Variants in WWOX observed in about 807,000 individuals in gnomAD.
The protein encoded by WWOX is WW domain-containing oxidoreductase.
Under a neutral mutation model 46.2 loss-of-function variants are expected in WWOX, and 69 were observed. The observed-to-expected ratio is 1.49, with a 90% CI of 1.23 to 1.82. WWOX has a LOEUF of 1.82. Among genes scored for constraint, WWOX ranks in the 40% most tolerant of loss-of-function variants. The pLI, the probability that WWOX is intolerant of heterozygous loss-of-function variation, is 0.00. For synonymous variants in WWOX, 359 were observed against 202.6 expected (o/e 1.77, Z -6.56); for missense variants, 919 against 542.6 (o/e 1.69, Z -6.89).
rs116113820 is a variant in WWOX at position 78,608,587 on chromosome 16, A to C, written c.1056+175835A>C. On this transcript the variant is annotated intron_variant, in intron 8 of 8. Transcript: ENST00000566780. ...AAGAGTTAAGTGAGGTAAGTTCGTC[A>C]GACTTCTGCAGACCCATACTGTGGA... is the stretch of plus-strand genomic sequence containing the variant. Among the ~76,000 whole-genome samples, 1,486 of 152,294 alleles carry C rather than the reference A, an allele frequency of 9.8e-3. 27 individuals are homozygous for C. Among genetic ancestry groups the C allele is most frequent in the African/African-American group, 0.034 (1,431 of 41,560 alleles).
chr16:78,915,417 C>G (rs1408914816), intron 8 of WWOX, among the ~76,000 whole-genome samples: 1 of 152,142 alleles, frequency 6.6e-6, no homozygotes, highest in Non-Finnish European at 1.5e-5. Flanking sequence ...CTCTACAGGG[C>G]AATCATAAAT....
At chr16:78,290,278 G>C (rs1156653228) in intron 5 of WWOX, among the ~76,000 whole-genome samples, 1 of 147,974 alleles carries the variant, frequency 6.8e-6, no homozygotes, top group Non-Finnish European at 1.5e-5. Flanking sequence ...CTCCCTCCTC[G>C]TTCCCCCCCC....
At chr16:78,170,729 C>T (rs2035129634) in intron 5 of WWOX, among the ~76,000 whole-genome samples, 1 of 152,066 alleles carries the variant, frequency 6.6e-6, no homozygotes, top group African/African-American at 2.4e-5. Context: ...TTTGTATTTA[C>T]AAAGAAATAC....
intron 7 of WWOX, among the ~76,000 whole-genome samples, chr16:78,427,228 A>G (rs1597068467): frequency 6.6e-6 from 1 of 152,224 alleles, no homozygotes; most frequent in Non-Finnish European, 1.5e-5. Context: ...GGGAAAAAAG[A>G]AAGTCCTATG....
At chr16:78,998,571 G>A (rs536212342) in intron 8 of WWOX, among the ~76,000 whole-genome samples, 2 of 152,276 alleles carry the variant, frequency 1.3e-5, no homozygotes, top group South Asian at 2.1e-4. Context: ...GCTGTTAGAG[G>A]AGTTAATCGA....
intron 8 of WWOX, among the ~76,000 whole-genome samples, chr16:79,157,714 C>G (rs1279229522): frequency 2.0e-5 from 3 of 152,090 alleles, no homozygotes; most frequent in Non-Finnish European, 4.4e-5. Context: ...TGATCTGTGT[C>G]CTTTACAGTT....
At chr16:78,237,251 T>G (rs1377257834) in intron 5 of WWOX, 1 of 152,232 alleles carries the variant, frequency 6.6e-6, no homozygotes, top group African/African-American at 2.4e-5. Flanking sequence ...ATGAGAAGTT[T>G]GTATCCTGCC....
At chr16:79,116,773 G>A (rs777949413) in intron 8 of WWOX, among the ~76,000 whole-genome samples, 3 of 151,708 alleles carry the variant, frequency 2.0e-5, no homozygotes, top group Non-Finnish European at 2.9e-5. Context: ...CATGAATCAC[G>A]AATGTTCTTA....
rs562391490 is a variant in WWOX, at chr16:78,945,547, C to G, written c.1057-266061C>G. On this transcript the variant is annotated intron_variant, in intron 8 of 8. Coordinates refer to ENST00000566780, the MANE Select transcript of WWOX (RefSeq NM_016373.4). Reference sequence around the variant, plus strand: ...TGTTTATATACCCGGCCACTTCTGCCAAAATATGCTGGCCTTTTAGTCTTT... The same window carrying G: ...TGTTTATATACCCGGCCACTTCTGCGAAAATATGCTGGCCTTTTAGTCTTT... 2.6e-5 allele frequency among the ~76,000 whole-genome samples: 4 copies of G among 152,296 alleles called. No individual in the cohort carries two copies. In the East Asian group the frequency reaches 7.7e-4, roughly 29 times the overall value.
chr16:78,772,829 G>A (rs2050096979), intron 8 of WWOX, among the ~76,000 whole-genome samples: 1 of 152,052 alleles, frequency 6.6e-6, no homozygotes, highest in African/African-American at 2.4e-5. Flanking sequence ...GACCAGCCTG[G>A]ACAACATAGC....
At chr16:79,198,663 C>A (rs1403225879) in intron 8 of WWOX, among the ~76,000 whole-genome samples, 1 of 152,300 alleles carries the variant, frequency 6.6e-6, no homozygotes, top group East Asian at 1.9e-4. Context: ...TGACACAGGT[C>A]CAAATTTCCC....
chr16:79,058,696 C>G (rs2048308915), intron 8 of WWOX, among the ~76,000 whole-genome samples: 1 of 152,172 alleles, frequency 6.6e-6, no homozygotes, highest in African/African-American at 2.4e-5. Context: ...TAGAGCTAAA[C>G]TTCTGTCTTT....
intron 8 of WWOX, chr16:78,996,465 C>A: frequency 8.1e-6 from 3 of 370,688 alleles, no homozygotes; most frequent in Non-Finnish European, 1.1e-5. Context: ...AGCACTGGGC[C>A]GGACCCATGG....
At chr16:78,333,101 A>T (rs2080802356) in intron 5 of WWOX, among the ~76,000 whole-genome samples, 1 of 119,444 alleles carries the variant, frequency 8.4e-6, no homozygotes, top group African/African-American at 3.2e-5. Flanking sequence ...CCAGGCCTGG[A>T]GTGCAGTGGT....
At chr16:78,962,117 G>T (rs538769232) in intron 8 of WWOX, among the ~76,000 whole-genome samples, 52 of 152,082 alleles carry the variant, frequency 3.4e-4, no homozygotes, top group Non-Finnish European at 6.6e-4. Context: ...TGAAAAAGAG[G>T]GAGAGGCTTG....
At chr16:78,905,856 C>T (rs1425368208) in intron 8 of WWOX, among the ~76,000 whole-genome samples, 1 of 152,186 alleles carries the variant, frequency 6.6e-6, no homozygotes, top group Non-Finnish European at 1.5e-5. Context: ...AAACACGTTT[C>T]CACCCCCTCA....
chr16:78,895,121 A>G (rs1392307514), intron 8 of WWOX, among the ~76,000 whole-genome samples: 13 of 152,156 alleles, frequency 8.5e-5, no homozygotes, highest in Non-Finnish European at 1.5e-4. Flanking sequence ...GTTATTAGGC[A>G]TATGCTAAAG....
chr16:78,679,142 A>C (rs2047670876), intron 8 of WWOX, among the ~76,000 whole-genome samples: 1 of 152,188 alleles, frequency 6.6e-6, no homozygotes, highest in South Asian at 2.1e-4. Context: ...GGATGGATTC[A>C]GGGAGGATTG....
chr16:78,904,090 A>C (rs1475615447), intron 8 of WWOX, among the ~76,000 whole-genome samples: 1 of 152,154 alleles, frequency 6.6e-6, no homozygotes, highest in African/African-American at 2.4e-5. Context: ...ATCAGGGTCC[A>C]CCTTTCTGAA....
Sources: gnomAD v4.1 joint callset for allele counts (sites outside exome capture counted in the v4.1 genomes callset) on GRCh38, gnomAD v4.1.1 for gene constraint, MANE v1.5 for transcripts, NCBI Gene and HGNC (gene_info 2026-07-23, HGNC 2026-07-21) for gene names.